GRM7: variants seen among roughly 807,000 people sequenced by gnomAD.
GRM7 encodes glutamate metabotropic receptor 7, also known as metabotropic glutamate receptor 7.
In GRM7, 35 loss-of-function variants were observed where a neutral mutation model predicts 84.5. That is an observed-to-expected ratio of 0.41 (90% CI 0.32 to 0.55). The LOEUF (loss-of-function observed/expected upper bound fraction) is 0.55, where lower values mean the gene tolerates loss of function less well. Among genes scored for constraint, GRM7 ranks in the 20% least tolerant of loss-of-function variants. The probability of loss-of-function intolerance (pLI) is 0.19; values close to 1 mark genes in which losing one functional copy is unlikely to be tolerated. For synonymous variants in GRM7, 487 were observed against 455.1 expected, an observed-to-expected ratio of 1.07 and a Z score of -0.89; for missense variants, 1,003 against 1,194.6, an observed-to-expected ratio of 0.84 and a Z score of 2.36.
chr3:6,947,335 GT>G (rs1433565255), intron 1 of GRM7, among the ~76,000 whole-genome samples: 2 of 152,166 alleles, frequency 1.3e-5, no homozygotes, highest in Non-Finnish European at 2.9e-5. Context: ...CTTTGGTTCT[GT>G]TTATATGCTG....
At chr3:6,974,133 G>T (rs1693887587) in intron 1 of GRM7, among the ~76,000 whole-genome samples, 1 of 152,142 alleles carries the variant, frequency 6.6e-6, no homozygotes, top group Non-Finnish European at 1.5e-5. Context: ...AAACATGAAA[G>T]TAAAAGAGCA....
chr3:7,024,835 G>A (rs1695917516), intron 1 of GRM7, among the ~76,000 whole-genome samples: 1 of 152,200 alleles, frequency 6.6e-6, no homozygotes, highest in South Asian at 2.1e-4. Flanking sequence ...ATTTTTCACA[G>A]GTAGAAGTAG....
chr3:7,077,292 T>C (rs1049621581), intron 1 of GRM7, among the ~76,000 whole-genome samples: 8 of 152,228 alleles, frequency 5.3e-5, no homozygotes, highest in Non-Finnish European at 2.9e-5. Context: ...ATTGCAGCAC[T>C]GTTCACAATA....
At chr3:7,662,500 G>A (rs563433301) in intron 8 of GRM7, among the ~76,000 whole-genome samples, 4 of 152,286 alleles carry the variant, frequency 2.6e-5, no homozygotes, top group South Asian at 2.1e-4. Flanking sequence ...TTGGATTGAG[G>A]AAAAATCATA....
At chr3:7,578,137 G>C (rs577955223) in intron 7 of GRM7, among the ~76,000 whole-genome samples, 2 of 152,102 alleles carry the variant, frequency 1.3e-5, no homozygotes, top group Admixed American at 6.5e-5. Flanking sequence ...TTCTTTTTCA[G>C]GATATTCATA....
At chr3:7,462,372 T>G (rs1365060562) in intron 7 of GRM7, among the ~76,000 whole-genome samples, 1 of 152,172 alleles carries the variant, frequency 6.6e-6, no homozygotes, top group African/African-American at 2.4e-5. Context: ...CAATTTACTT[T>G]ACTCACCCAC....
chr3:7,435,001 A>G (rs1182342834), intron 5 of GRM7, among the ~76,000 whole-genome samples: 1 of 152,142 alleles, frequency 6.6e-6, no homozygotes, highest in Non-Finnish European at 1.5e-5. Flanking sequence ...CAGAGTATAT[A>G]TTAGTTCTTA....
chr3:6,992,187 C>T (rs1270878296), intron 1 of GRM7, among the ~76,000 whole-genome samples: 1 of 152,150 alleles, frequency 6.6e-6, no homozygotes, highest in Admixed American at 6.5e-5. Context: ...CTTTCTGGGC[C>T]TGTCTATTGT....
intron 2 of GRM7, among the ~76,000 whole-genome samples, chr3:7,164,517 T>C (rs1694739794): frequency 6.6e-6 from 1 of 152,232 alleles, no homozygotes; most frequent in African/African-American, 2.4e-5. Context: ...CTGTCCCACA[T>C]GACATCCCCA....
chr3:7,342,329 T>C (rs80048668), intron 4 of GRM7, among the ~76,000 whole-genome samples: 31 of 152,230 alleles, frequency 2.0e-4, no homozygotes, highest in East Asian at 1.5e-3. Context: ...TCAAAAGTTC[T>C]AGGGTTTGGA....
At chr3:6,870,507 G>C (rs961624729) in intron 1 of GRM7, among the ~76,000 whole-genome samples, 1 of 152,192 alleles carries the variant, frequency 6.6e-6, no homozygotes. Context: ...CAAGGCCATC[G>C]CAGGCATTTT....
intron 8 of GRM7, among the ~76,000 whole-genome samples, chr3:7,656,972 T>TGAA (rs1214548508): frequency 6.6e-6 from 1 of 152,162 alleles, no homozygotes; most frequent in East Asian, 1.9e-4. Flanking sequence ...TTACTTTGAG[T>TGAA]GAAGTACAAA....
chr3:7,151,617 G>A lies in GRM7; in HGVS notation c.736+4949G>A, dbSNP rs1694290577. The stretch of plus-strand genomic sequence containing the variant: ...ATTTTCCTGTGTTTCTATTATCTAA[G>A]ATAATTCCTAGTACATAGAAAGCAG... On this transcript the variant is annotated intron_variant, in intron 2 of 9. Transcript: ENST00000357716. This position sits in a 1 kb window ranked among gnomAD's most constrained non-coding sequence, Gnocchi z 4.5. 6.6e-6 allele frequency among the ~76,000 whole-genome samples: 1 copy of A among 152,044 alleles called. No individual in the cohort carries two copies. Among genetic ancestry groups the A allele is most frequent in the Admixed American group, 6.6e-5 (1 of 15,254 alleles).
chr3:7,553,181 T>C (rs1278551790), intron 7 of GRM7, among the ~76,000 whole-genome samples: 1 of 152,208 alleles, frequency 6.6e-6, no homozygotes, highest in Non-Finnish European at 1.5e-5. Context: ...ATGCTCCCAG[T>C]CTCTTTGCTA....
intron 7 of GRM7, among the ~76,000 whole-genome samples, chr3:7,544,785 A>G (rs2125018869): frequency 6.6e-6 from 1 of 151,926 alleles, no homozygotes; most frequent in African/African-American, 2.4e-5. Flanking sequence ...TTTTTTCTCT[A>G]ATTGTTCTCC....
intron 4 of GRM7, among the ~76,000 whole-genome samples, chr3:7,369,135 G>A (rs9836314): frequency 0.62 from 93,952 of 151,870 alleles, 29,494 homozygotes; most frequent in African/African-American, 0.73. Context: ...GTTCACTACA[G>A]CTTTGAACTC....
chr3:7,543,909 T>C (rs75822272), intron 7 of GRM7, among the ~76,000 whole-genome samples: 120 of 152,336 alleles, frequency 7.9e-4, no homozygotes, highest in African/African-American at 2.8e-3. Context: ...AGTCTGAGCG[T>C]ACTCCCTGGG....
chr3:7,340,289 C>A (rs1383253414), intron 4 of GRM7, among the ~76,000 whole-genome samples: 6 of 152,024 alleles, frequency 3.9e-5, no homozygotes, highest in Admixed American at 3.9e-4. Context: ...CGAGACTGGG[C>A]AATTTATAAA....
At position 7,461,529 on chromosome 3, in the gene GRM7, A is replaced by T; in HGVS notation, c.1376-54A>T. On this transcript the variant is annotated intron_variant, in intron 6 of 9. Coordinates refer to ENST00000357716, the MANE Select transcript of GRM7 (RefSeq NM_000844.4). ...TAGCCTGTCACCCATAGTACAAGAG[A>T]TATAAGGAATCTTGTTTAACTTTAG... 2.1e-6 allele frequency: 3 copies of T among 1,428,920 alleles called. No homozygotes were observed. In the South Asian group the frequency reaches 3.5e-5, roughly 16 times the overall value. The allele number at this position is 1,428,920 out of a possible 1,614,324, so 88.5% of individuals were successfully genotyped here.
Sources: allele counts gnomAD v4.1 joint callset (sites outside exome capture counted in the v4.1 genomes callset), GRCh38; gene constraint gnomAD v4.1.1; non-coding constraint Gnocchi (gnomAD v3.1); transcripts MANE v1.5; gene names NCBI Gene and HGNC (gene_info 2026-07-23, HGNC 2026-07-21).